ZMYND8: variants seen among roughly 807,000 people sequenced by gnomAD.
The protein encoded by ZMYND8 is zinc finger MYND-type containing 8, also known as MYND-type zinc finger-containing chromatin reader ZMYND8.
Under a neutral mutation model 140.8 loss-of-function variants are expected in ZMYND8, and 37 were observed. That is an observed-to-expected ratio of 0.26 (90% CI 0.20 to 0.35). The LOEUF is 0.35. Among genes scored for constraint, ZMYND8 ranks in the 10% least tolerant of loss-of-function variants. The probability of loss-of-function intolerance (pLI) is 1.00; values close to 1 mark genes in which losing one functional copy is unlikely to be tolerated. For missense variants in ZMYND8, 1,068 were observed against 1,570.0 expected (o/e 0.68, Z 5.40); for synonymous variants, 592 against 597.1 (o/e 0.99, Z 0.12).
intron 14 of ZMYND8, 118 bp downstream of exon 14, chr20:47,245,890 A>G (rs1480787572): frequency 7.0e-7 from 1 of 1,418,878 alleles, no homozygotes; most frequent in Non-Finnish European, 9.5e-7. Context: ...TCAGTGTGTT[A>G]GAGGGTCACA....
intron 2 of ZMYND8, among the ~76,000 whole-genome samples, chr20:47,310,640 G>C (rs1215344785): frequency 6.6e-6 from 1 of 151,984 alleles, no homozygotes; most frequent in Non-Finnish European, 1.5e-5. Context: ...ACAAAAATTA[G>C]CCTGGTGTGG....
At chr20:47,234,762 C>A (rs1328638359) in intron 16 of ZMYND8, among the ~76,000 whole-genome samples, 1 of 152,122 alleles carries the variant, frequency 6.6e-6, no homozygotes, top group African/African-American at 2.4e-5. Flanking sequence ...ATATATATTT[C>A]TCTCACCACT....
rs144929225 is a variant in ZMYND8 at position 47,301,215 on chromosome 20, C to T, written c.235-2268G>A. Among the ~76,000 whole-genome samples the T allele has an allele frequency of 6.5e-3, 963 of 147,866 alleles. 6 individuals carry two copies. The highest frequency in any genetic ancestry group is 9.3e-3 in the Non-Finnish European group (628 of 67,498). ...TGTTGCCCAGGATAGAGTGCAATGGCGTGATCTCGGCTCACTGCAACCTCT... is the reference window on the plus strand; with the variant it reads ...TGTTGCCCAGGATAGAGTGCAATGGTGTGATCTCGGCTCACTGCAACCTCT... On this transcript the variant is annotated intron_variant, in intron 3 of 22. Coordinates refer to ENST00000471951, the MANE Select transcript of ZMYND8 (RefSeq NM_001281775.3).
intron 1 of ZMYND8, chr20:47,356,377 T>A: frequency 1.3e-6 from 2 of 1,500,430 alleles, no homozygotes; most frequent in South Asian, 1.2e-5. Flanking sequence ...TTTTTTGGCA[T>A]ACCAGGATCT....
At chr20:47,347,711 C>A in intron 2 of ZMYND8, 145 bp downstream of exon 2, 1 of 776,308 alleles carries the variant, frequency 1.3e-6, no homozygotes, top group Non-Finnish European at 2.1e-6. Context: ...TTAGGTTCAT[C>A]CATCAAAAAA....
intron 1 of ZMYND8, chr20:47,352,003 G>A: frequency 3.0e-6 from 3 of 985,456 alleles, no homozygotes; most frequent in Non-Finnish European, 3.6e-6. Flanking sequence ...GCCTTCTCTT[G>A]TAGATCCTGA....
chr20:47,227,170 C>T (rs143388954), intron 18 of ZMYND8, 33 bp downstream of exon 18: 2 of 1,612,400 alleles, frequency 1.2e-6, no homozygotes, highest in East Asian at 4.5e-5. Flanking sequence ...ACCCAAAACC[C>T]TCCTCAGTCC....
intron 11 of ZMYND8, among the ~76,000 whole-genome samples, chr20:47,272,887 A>T (rs1354645095): frequency 2.0e-5 from 3 of 152,222 alleles, no homozygotes; most frequent in Non-Finnish European, 4.4e-5. Flanking sequence ...TGGGTGAACT[A>T]CTGTCTTATC....
At chr20:47,287,391 T>A in intron 7 of ZMYND8, 107 bp from the exon 8 acceptor site, 1 of 986,168 alleles carries the variant, frequency 1.0e-6, no homozygotes, top group Non-Finnish European at 1.6e-6. Context: ...CCCCCAGGAT[T>A]AAGCTTTTAA....
intron 16 of ZMYND8, among the ~76,000 whole-genome samples, chr20:47,230,378 G>A (rs752350625): frequency 1.1e-4 from 17 of 151,238 alleles, no homozygotes; most frequent in Non-Finnish European, 1.6e-4. Flanking sequence ...TGCTACCTCC[G>A]CCTCCAGGTT....
rs779910878 is a variant in ZMYND8 at position 47,291,831 on chromosome 20, T to C, written c.625A>G (p.Ile209Val). 1 of 1,613,382 alleles carries C rather than the reference T, an allele frequency of 6.2e-7. No homozygotes were observed. The highest frequency in any genetic ancestry group is 8.5e-7 in the Non-Finnish European group (1 of 1,179,656). The change falls in exon 6 of 23, where the codon ATC becomes GTC. Residue 209 changes from isoleucine (I) to valine (V), a missense_variant. Ile to Val is a conservative substitution (Grantham distance 29). Coordinates refer to ENST00000471951, the MANE Select transcript of ZMYND8 (RefSeq NM_001281775.3). ...GTACAAAGGTCCATTGGATGGAAGA[T>C]GTATTCCGCATAGTCAGGGTGCTGT... ...LEQHPDYAEY[I>V]FHPMDLCTLE... is the part of the protein sequence containing the mutation.
At chr20:47,318,764 TAAAG>T (rs773122485) in intron 2 of ZMYND8, 1 of 483,890 alleles carries the variant, frequency 2.1e-6, no homozygotes, top group South Asian at 1.5e-5. Flanking sequence ...ACTGTGCTTA[TAAAG>T]AATCTCTGCA....
intron 9 of ZMYND8, among the ~76,000 whole-genome samples, chr20:47,283,084 G>A (rs917715688): frequency 2.0e-5 from 3 of 152,024 alleles, no homozygotes; most frequent in African/African-American, 7.2e-5. Context: ...GCCCAACAAT[G>A]TACTTCTCTC....
At chr20:47,304,890 G>A (rs2078357950) in intron 3 of ZMYND8, among the ~76,000 whole-genome samples, 1 of 152,048 alleles carries the variant, frequency 6.6e-6, no homozygotes, top group South Asian at 2.1e-4. Context: ...GGAGAAACTG[G>A]CAATCCCTGC....
chr20:47,255,742 A>ACGG (rs1485369707), intron 12 of ZMYND8, among the ~76,000 whole-genome samples: 5 of 55,758 alleles, frequency 9.0e-5, no homozygotes, highest in East Asian at 6.6e-4. Flanking sequence ...ATATATATAT[A>ACGG]TATATATATA....
chr20:47,349,567 G>A (rs2082605294), intron 1 of ZMYND8, among the ~76,000 whole-genome samples: 2 of 152,160 alleles, frequency 1.3e-5, no homozygotes, highest in Admixed American at 1.3e-4. Flanking sequence ...TTGTCCAACT[G>A]GATGCTGTTG....
intron 2 of ZMYND8, among the ~76,000 whole-genome samples, chr20:47,345,795 C>T (rs2082282615): frequency 7.0e-6 from 1 of 143,344 alleles, no homozygotes; most frequent in African/African-American, 2.6e-5. Flanking sequence ...AGGCGTGAGC[C>T]AACGCACTCT....
At chr20:47,222,061 G>A (rs2037042197) in intron 19 of ZMYND8, among the ~76,000 whole-genome samples, 1 of 150,680 alleles carries the variant, frequency 6.6e-6, no homozygotes, top group Non-Finnish European at 1.5e-5. Flanking sequence ...CCATCAACAA[G>A]AGCCAACCTG....
In ZMYND8 at chr20:47,318,936, A is replaced by G. The variant is rs2148327842; in HGVS notation, c.86-8732T>C. 3.0e-6 allele frequency: 4 copies of G among 1,349,836 alleles called. No homozygotes were observed. In the African/African-American group the frequency reaches 4.4e-5, roughly 15 times the overall value. The allele number at this position is 1,349,836 out of a possible 1,614,324, so 83.6% of individuals were successfully genotyped here. ...AACATGCGAGGGGCAGGGAACGCCA[A>G]GAGGAGGCACTTACCTGCCATTGAG... On this transcript the variant is annotated intron_variant, in intron 2 of 22. Coordinates refer to ENST00000471951, the MANE Select transcript of ZMYND8 (RefSeq NM_001281775.3).
Sources: allele counts gnomAD v4.1 joint callset (sites outside exome capture counted in the v4.1 genomes callset), GRCh38; gene constraint gnomAD v4.1.1; transcripts MANE v1.5; gene names NCBI Gene and HGNC (gene_info 2026-07-23, HGNC 2026-07-21).